Variants in DSG2 observed in about 807,000 individuals in gnomAD.
DSG2 encodes the protein desmoglein-2.
A neutral mutation model predicts 75.6 loss-of-function variants in DSG2; 45 were observed. The observed-to-expected ratio is 0.60, with a 90% CI of 0.47 to 0.76. The LOEUF (loss-of-function observed/expected upper bound fraction) is 0.76. DSG2 is among the 30% of genes least tolerant of loss of function. The pLI, the probability that DSG2 is intolerant of heterozygous loss-of-function variation, is 0.00. For synonymous variants in DSG2, 429 were observed against 483.9 expected (o/e 0.89, Z 1.49); for missense variants, 1,267 against 1,357.4 (o/e 0.93, Z 1.05).
Position 31,546,780 on chromosome 18 carries a change from A to G in DSG2, c.*37A>G. ...CCACAAACTGACCCAGAGTTTAATT[A>G]GCAGTGACTAATTTCATGTTTCCAA... On this transcript the variant is annotated 3_prime_UTR_variant, in exon 15 of 15. Transcript: ENST00000261590. 1.3e-6 allele frequency: 2 copies of G among 1,592,382 alleles called. No homozygotes were observed. The highest frequency in any genetic ancestry group is 1.1e-5 in the South Asian group (1 of 90,648).
At chr18:31,542,913 G>A in intron 14 of DSG2, 61 bp downstream of exon 14, 3 of 1,091,630 alleles carry the variant, frequency 2.7e-6, no homozygotes, top group Non-Finnish European at 3.7e-6. Context: ...ATGTGAATGT[G>A]ATATTATTAG....
Position 31,538,897 on chromosome 18 carries a change from A to G in DSG2, c.1798A>G (p.Arg600Gly), listed in dbSNP as rs2073248825. Residue 600 changes from arginine to glycine, a missense_variant, in exon 12 of 15, where the codon AGG becomes GGG. Physicochemically the swap from Arg to Gly is moderately radical, Grantham distance 125. Coordinates refer to ENST00000261590, the MANE Select transcript of DSG2 (RefSeq NM_001943.5). ...TGAGTGTCTGCATGGCAGCGGCTGC[A>G]GGGAAGCACAGCATGACTCCTATGT... ...VCECLHGSGC[R>G]EAQHDSYVGL... is the part of the protein sequence containing the mutation. 6.2e-7 allele frequency: 1 copy of G among 1,614,078 alleles called. No homozygotes were observed. Among genetic ancestry groups the G allele is most frequent in the Non-Finnish European group, 8.5e-7 (1 of 1,180,038 alleles).
rs367958940 is a variant in DSG2, at chr18:31,523,356, G to A, written c.691-1092G>A. On this transcript the variant is annotated intron_variant, in intron 6 of 14. Transcript: ENST00000261590. Reference sequence around the variant, plus strand: ...ACAGAGCTTGCAGTGAGCTGAGATCGCGCCACTGCACTCCAGCCTGGGCAA... The same window carrying A: ...ACAGAGCTTGCAGTGAGCTGAGATCACGCCACTGCACTCCAGCCTGGGCAA... Among the ~76,000 whole-genome samples, 45 of 152,156 alleles carry A rather than the reference G, an allele frequency of 3.0e-4. 3 individuals are homozygous for A. The highest frequency in any genetic ancestry group is 1.7e-3 in the Admixed American group (26 of 15,284).
At chr18:31,541,071 T>C in intron 12 of DSG2, 122 bp from the exon 13 acceptor site, 3 of 1,287,062 alleles carry the variant, frequency 2.3e-6, no homozygotes, top group Non-Finnish European at 3.3e-6. Context: ...AAAAGAAAAA[T>C]AGAGCTGTAA....
Position 31,524,872 on chromosome 18 carries a change from T to G in DSG2, c.998T>G (p.Ile333Ser), listed in dbSNP as rs773871942. 1 of 1,614,152 alleles carries G rather than the reference T, an allele frequency of 6.2e-7. No individual in the cohort carries two copies. ...ACAGATGCTCAAACTAACGAAGGAA[T>G]TGTGACCCTTATTAAGGTAAGTACT... is the stretch of plus-strand genomic sequence containing the variant. The part of the protein sequence containing the change: ...IETDAQTNEG[I>S]VTLIKEVDYE... Residue 333 changes from isoleucine (I) to serine (S), a missense_variant, in exon 8 of 15, where the codon ATT becomes AGT. Ile to Ser is a moderately radical substitution (Grantham distance 142, BLOSUM62 -2). Transcript: ENST00000261590.
rs551728558 is a variant in DSG2 at position 31,539,579 on chromosome 18, C to T, written c.1879+601C>T. On this transcript the variant is annotated intron_variant, in intron 12 of 14. Transcript: ENST00000261590. ...TGCCCTACCCACGCTCCAAAGACCT[C>T]GGGTTTCCTTTTATAAAAGAACAAG... Among the ~76,000 whole-genome samples the T allele has an allele frequency of 4.6e-5, 7 of 152,282 alleles. No homozygotes were observed. In the East Asian group the frequency reaches 5.8e-4, roughly 13 times the overall value.
intron 1 of DSG2, among the ~76,000 whole-genome samples, chr18:31,508,114 G>A (rs943769785): frequency 1.3e-5 from 2 of 152,118 alleles, no homozygotes; most frequent in African/African-American, 4.8e-5. Flanking sequence ...TAAAGTGTAA[G>A]GAAGGGGTCC....
chr18:31,541,145 AAT>A, intron 12 of DSG2, 46 bp from the exon 13 acceptor site: 2 of 1,613,418 alleles, frequency 1.2e-6, no homozygotes, highest in Non-Finnish European at 1.7e-6. Flanking sequence ...TAAATTTAGA[AAT>A]ATATCAAGGT....
At chr18:31,524,926 T>G (rs758548728) in intron 8 of DSG2, 38 bp downstream of exon 8, 1 of 1,596,312 alleles carries the variant, frequency 6.3e-7, no homozygotes, top group East Asian at 2.2e-5. Flanking sequence ...TGGGCCAAGT[T>G]GGTGCTGGAA....
intron 1 of DSG2, 141 bp downstream of exon 1, chr18:31,498,437 A>T: frequency 1.1e-6 from 1 of 940,172 alleles, no homozygotes; most frequent in Non-Finnish European, 1.4e-6. Context: ...GAGGGGGGAA[A>T]AGGGCCGGGC....
In DSG2 at chr18:31,542,506, G is replaced by C. The variant is rs1477032305; in HGVS notation, c.2002-14G>C. Reference sequence around the variant, plus strand: ...TCCTCCTGACTCAGTTCTCAGCTGTGTTTGCTCTCACAGGTGGTGCCATCA... The same window carrying C: ...TCCTCCTGACTCAGTTCTCAGCTGTCTTTGCTCTCACAGGTGGTGCCATCA... On this transcript the variant is annotated splice_polypyrimidine_tract_variant and intron_variant, in intron 13 of 14. Coordinates refer to ENST00000261590, the MANE Select transcript of DSG2 (RefSeq NM_001943.5). 3 of 1,613,466 alleles carry C rather than the reference G, an allele frequency of 1.9e-6. No individual in the cohort carries two copies. The East Asian group carries it at 6.7e-5, about 36-fold the overall frequency.
At chr18:31,506,243 G>T (rs951145634) in intron 1 of DSG2, among the ~76,000 whole-genome samples, 3 of 152,102 alleles carry the variant, frequency 2.0e-5, no homozygotes, top group Non-Finnish European at 4.4e-5. Flanking sequence ...TCCCCTTACA[G>T]CAGTTTGCTA....
Position 31,536,204 on chromosome 18 carries a change from T to C in DSG2, c.1426T>C (p.Tyr476His). ...TVKIVAISED[Y>H]PRKTITGTVL... ...ACTTTTTCTCTCTTATTTTTAAGAT[T>C]ATCCTAGAAAAACCATCACTGGCAC... Residue 476 changes from tyrosine (Y) to histidine (H), a missense_variant and splice_region_variant, in exon 11 of 15, where the codon TAT becomes CAT. By Grantham distance (83) the Tyr-to-His change is moderately conservative. Coordinates refer to ENST00000261590, the MANE Select transcript of DSG2 (RefSeq NM_001943.5). The C allele has an allele frequency of 1.9e-6, 3 of 1,614,002 alleles. No homozygotes were observed. In the South Asian group the frequency reaches 3.3e-5, roughly 18 times the overall value.
chr18:31,509,345 G>C (rs1012687940), intron 1 of DSG2, among the ~76,000 whole-genome samples: 2 of 152,056 alleles, frequency 1.3e-5, no homozygotes, highest in African/African-American at 4.8e-5. Context: ...GGTAAGTCAT[G>C]TACTTTATTA....
chr18:31,533,122 GTTAAA>G (rs1239108671), intron 9 of DSG2, among the ~76,000 whole-genome samples: 1 of 152,172 alleles, frequency 6.6e-6, no homozygotes, highest in Admixed American at 6.5e-5. Context: ...GCACAACCAA[GTTAAA>G]TTATTTTCCA....
At position 31,534,508 on chromosome 18, in the gene DSG2, A is replaced by ATTT. The variant is rs80270967; in HGVS notation, c.1281-744_1281-742dup. Among the ~76,000 whole-genome samples the ATTT allele has an allele frequency of 7.2e-3, 807 of 112,522 alleles. 20 individuals carry two copies. Among genetic ancestry groups the ATTT allele is most frequent in the Non-Finnish European group, 9.2e-3 (529 of 57,558 alleles). 73.8% of individuals were successfully genotyped at this position (112,522 alleles called of 152,430 possible). A position where few individuals can be genotyped will look rare whatever the true frequency, so the allele number is the denominator to read the frequency against. On this transcript the variant is annotated intron_variant, in intron 9 of 14. Coordinates refer to ENST00000261590, the MANE Select transcript of DSG2 (RefSeq NM_001943.5). ...ATGCTTCCGTTTAAAATGATCATTG[A>ATTT]TTTTTTTTTTTTTTTTTTTTGAGAT...
intron 6 of DSG2, 91 bp from the exon 7 acceptor site, chr18:31,524,357 C>T: frequency 2.7e-6 from 4 of 1,502,578 alleles, no homozygotes; most frequent in East Asian, 2.3e-5. Flanking sequence ...ATAAAATATA[C>T]TGTGGTACGT....
intron 8 of DSG2, among the ~76,000 whole-genome samples, chr18:31,528,744 A>G (rs1439053836): frequency 6.6e-6 from 1 of 151,892 alleles, no homozygotes; most frequent in East Asian, 1.9e-4. Flanking sequence ...TGATTATGCT[A>G]TGTATAAGGA....
At chr18:31,542,950 A>C in intron 14 of DSG2, 98 bp downstream of exon 14, 4 of 957,890 alleles carry the variant, frequency 4.2e-6, no homozygotes, top group Non-Finnish European at 4.2e-6. Flanking sequence ...GATCCAAATG[A>C]GACTTTGGGT....
Sources: gnomAD v4.1 joint callset for allele counts (sites outside exome capture counted in the v4.1 genomes callset) on GRCh38, gnomAD v4.1.1 for gene constraint, MANE v1.5 for transcripts, NCBI Gene and HGNC (gene_info 2026-07-23, HGNC 2026-07-21) for gene names.